Variants in DIAPH3 observed in about 807,000 individuals in gnomAD.
DIAPH3 encodes the protein protein diaphanous homolog 3.
Under a neutral mutation model 144.3 loss-of-function variants are expected in DIAPH3, and 117 were observed. That is an observed-to-expected ratio of 0.81 (90% CI 0.70 to 0.95). DIAPH3 has a LOEUF of 0.95. Ranked by LOEUF, DIAPH3 falls within the 40% of genes least tolerant of loss-of-function variation. DIAPH3 has a pLI of 0.00. For missense variants in DIAPH3, 1,421 were observed against 1,412.7 expected (o/e 1.01, Z -0.09); for synonymous variants, 519 against 488.9 (o/e 1.06, Z -0.81).
At chr13:59,820,808 G>A (rs1183081926) in intron 24 of DIAPH3, among the ~76,000 whole-genome samples, 1 of 149,962 alleles carries the variant, frequency 6.7e-6, no homozygotes. Flanking sequence ...TGTTATAATA[G>A]TATTAAATAC....
intron 24 of DIAPH3, among the ~76,000 whole-genome samples, chr13:59,822,510 G>A (rs946061065): frequency 6.6e-6 from 1 of 151,898 alleles, no homozygotes; most frequent in Admixed American, 6.6e-5. Flanking sequence ...GTGCGATCTC[G>A]GCTCACTGCA....
intron 27 of DIAPH3, among the ~76,000 whole-genome samples, chr13:59,772,015 T>G (rs1348587610): frequency 1.3e-5 from 2 of 152,042 alleles, no homozygotes; most frequent in African/African-American, 4.8e-5. Context: ...TATATACTTG[T>G]AGAAAATATA....
chr13:59,975,030 G>GA (rs34054754), intron 14 of DIAPH3, among the ~76,000 whole-genome samples: 1 of 150,560 alleles, frequency 6.6e-6, no homozygotes, highest in Admixed American at 6.6e-5. Context: ...ATACCTTCTG[G>GA]AAAAAAAAGG....
At chr13:60,153,699 T>A (rs867337861) in intron 1 of DIAPH3, among the ~76,000 whole-genome samples, 5 of 152,182 alleles carry the variant, frequency 3.3e-5, no homozygotes, top group Non-Finnish European at 7.4e-5. Context: ...ATGGGTTTTA[T>A]AGTTTTGTTT....
At chr13:59,996,467 C>T (rs570094108) in intron 9 of DIAPH3, among the ~76,000 whole-genome samples, 34 of 152,112 alleles carry the variant, frequency 2.2e-4, no homozygotes, top group African/African-American at 7.5e-4. Flanking sequence ...GTATTTTAAA[C>T]GTAACTTCTA....
chr13:60,092,427 C>A (rs1164773862), intron 4 of DIAPH3, among the ~76,000 whole-genome samples: 1 of 152,024 alleles, frequency 6.6e-6, no homozygotes, highest in Non-Finnish European at 1.5e-5. Flanking sequence ...CCAAGGCGGG[C>A]GGATCACGAG....
intron 23 of DIAPH3, among the ~76,000 whole-genome samples, chr13:59,835,794 C>A (rs1041992412): frequency 6.6e-6 from 1 of 151,690 alleles, no homozygotes; most frequent in Non-Finnish European, 1.5e-5. Context: ...ATTTTACTTC[C>A]TAGTCGCCAC....
At chr13:59,913,175 A>C (rs2140244022) in intron 19 of DIAPH3, among the ~76,000 whole-genome samples, 1 of 152,262 alleles carries the variant, frequency 6.6e-6, no homozygotes, top group East Asian at 1.9e-4. Flanking sequence ...AATCCCCCTG[A>C]ATATCTCATA....
At chr13:59,767,154 T>G (rs1359451184) in intron 27 of DIAPH3, among the ~76,000 whole-genome samples, 1 of 152,164 alleles carries the variant, frequency 6.6e-6, no homozygotes, top group Non-Finnish European at 1.5e-5. Context: ...ACACATGACG[T>G]CATTTCCTCT....
At chr13:60,120,621 C>A (rs2058821279) in intron 2 of DIAPH3, among the ~76,000 whole-genome samples, 1 of 152,146 alleles carries the variant, frequency 6.6e-6, no homozygotes, top group African/African-American at 2.4e-5. Context: ...CTTAAAATTT[C>A]TTCAATTGCT....
At chr13:59,761,104 T>C (rs151206387) in intron 27 of DIAPH3, among the ~76,000 whole-genome samples, 243 of 152,308 alleles carry the variant, frequency 1.6e-3, no homozygotes, top group African/African-American at 5.2e-3. Flanking sequence ...TGCATGTCAA[T>C]TCTTGCTTCA....
At chr13:59,945,720 G>A (rs1366281000) in intron 17 of DIAPH3, among the ~76,000 whole-genome samples, 1 of 152,008 alleles carries the variant, frequency 6.6e-6, no homozygotes, top group Non-Finnish European at 1.5e-5. Context: ...CAAAGCTGCT[G>A]GGCTAGGAAA....
At chr13:59,868,910 T>A (rs1228545128) in intron 21 of DIAPH3, among the ~76,000 whole-genome samples, 4 of 152,188 alleles carry the variant, frequency 2.6e-5, no homozygotes, top group Non-Finnish European at 4.4e-5. Context: ...GATCATTTAT[T>A]TTTAATATTG....
intron 4 of DIAPH3, among the ~76,000 whole-genome samples, chr13:60,078,078 T>C (rs2057434516): frequency 6.6e-6 from 1 of 152,136 alleles, no homozygotes; most frequent in African/African-American, 2.4e-5. Context: ...ATCAAGTTTG[T>C]GAGCCTCCAA....
rs1045294509 is a variant in DIAPH3, at chr13:59,980,940, A to T, written c.1481-81T>A. 2.6e-6 allele frequency: 3 copies of T among 1,171,438 alleles called. No individual in the cohort carries two copies. The African/African-American group carries it at 4.6e-5, about 18-fold the overall frequency. The allele number at this position is 1,171,438 out of a possible 1,614,324, so 72.6% of individuals were successfully genotyped here. On this transcript the variant is annotated intron_variant, in intron 13 of 27. Transcript: ENST00000400324. ...CTTCAAAAGTTTAGAAAGAAAAAAG[A>T]TCATAGAAAATAATTAAATACTGAT...
At chr13:60,161,540 A>G (rs968158651) in intron 1 of DIAPH3, among the ~76,000 whole-genome samples, 2 of 152,224 alleles carry the variant, frequency 1.3e-5, no homozygotes, top group African/African-American at 4.8e-5. Flanking sequence ...TTCAACAGGA[A>G]GGTGGTCCAA....
At chr13:59,806,399 C>T (rs1335773934) in intron 25 of DIAPH3, among the ~76,000 whole-genome samples, 3 of 151,984 alleles carry the variant, frequency 2.0e-5, no homozygotes, top group Non-Finnish European at 4.4e-5. Context: ...ACATATAGTA[C>T]AGCTTATAAG....
chr13:59,820,823 T>TAATGTTATAATAGTATTA (rs1263417243), intron 24 of DIAPH3, among the ~76,000 whole-genome samples: 8 of 151,270 alleles, frequency 5.3e-5, no homozygotes, highest in Admixed American at 6.6e-5. Flanking sequence ...AAATACTATT[T>TAATGTTATAATAGTATTA]AATACTATTT....
intron 20 of DIAPH3, among the ~76,000 whole-genome samples, chr13:59,899,275 A>G (rs2046303738): frequency 6.6e-6 from 1 of 152,136 alleles, no homozygotes; most frequent in South Asian, 2.1e-4. Context: ...ACTCCCTTTC[A>G]TATATACATC....
Sources: allele counts gnomAD v4.1 joint callset (sites outside exome capture counted in the v4.1 genomes callset), GRCh38; gene constraint gnomAD v4.1.1; transcripts MANE v1.5; gene names NCBI Gene and HGNC (gene_info 2026-07-23, HGNC 2026-07-21).